Variants in EFHB observed in about 807,000 individuals in gnomAD.
EFHB encodes EF-hand domain family member B.
Under a neutral mutation model 87.2 loss-of-function variants are expected in EFHB, and 91 were observed. The observed-to-expected ratio is 1.04, with a 90% confidence interval of 0.88 to 1.24. The LOEUF is 1.24. EFHB is among the 50% of genes most tolerant of loss of function. EFHB has a pLI of 0.00. For synonymous variants in EFHB, 325 were observed against 333.6 expected, an observed-to-expected ratio of 0.97 and a Z score of 0.28; for missense variants, 1,084 against 998.8, an observed-to-expected ratio of 1.09 and a Z score of -1.15.
At chr3:19,936,327 G>A (rs1290789993), upstream of EFHB, 1 of 504,856 alleles carries the variant, frequency 2.0e-6, no homozygotes, top group South Asian at 2.5e-5. Flanking sequence ...GCCAGCCTGG[G>A]CGACAGACTG....
chr3:19,946,210 G>C (rs1314579461), intron 1 of EFHB: 1 of 152,214 alleles, frequency 6.6e-6, no homozygotes, highest in East Asian at 1.9e-4. Context: ...ACACAGCCGT[G>C]ATCTCGGACA....
At chr3:19,894,807 T>C (rs1484736795) in intron 9 of EFHB, 1 of 151,762 alleles carries the variant, frequency 6.6e-6, no homozygotes, top group African/African-American at 2.4e-5. Context: ...GCCAACATGG[T>C]GAAACCCCGT....
intron 8 of EFHB, among the ~76,000 whole-genome samples, chr3:19,897,076 G>T (rs1388047734): frequency 6.6e-6 from 1 of 152,122 alleles, no homozygotes; most frequent in Admixed American, 6.5e-5. Context: ...AAATCTAAAA[G>T]AATGAATTTT....
At chr3:19,916,467 A>T (rs1695235771) in intron 4 of EFHB, among the ~76,000 whole-genome samples, 1 of 152,056 alleles carries the variant, frequency 6.6e-6, no homozygotes. Context: ...GGGAGCCAAG[A>T]TCACGACACT....
intron 1 of EFHB, among the ~76,000 whole-genome samples, chr3:19,932,308 T>C (rs924838770): frequency 6.6e-6 from 1 of 152,250 alleles, no homozygotes; most frequent in African/African-American, 2.4e-5. Flanking sequence ...ATTATCTTTC[T>C]AAAAGGCAAA....
chr3:19,895,094 C>A (rs1694435803), intron 9 of EFHB: 1 of 146,866 alleles, frequency 6.8e-6, no homozygotes, highest in African/African-American at 2.5e-5. Context: ...ATTTATATAT[C>A]AACATATATT....
chr3:19,939,998 C>T (rs902044530), intron 1 of EFHB, among the ~76,000 whole-genome samples: 4 of 152,220 alleles, frequency 2.6e-5, no homozygotes, highest in African/African-American at 9.6e-5. Context: ...CATCTTCCGA[C>T]ATCTCTCAAA....
At chr3:19,885,413 T>C (rs1402286466) in intron 10 of EFHB, among the ~76,000 whole-genome samples, 1 of 152,204 alleles carries the variant, frequency 6.6e-6, no homozygotes, top group Admixed American at 6.5e-5. Flanking sequence ...GAACTGTTTC[T>C]ACAACTAACT....
upstream of EFHB, among the ~76,000 whole-genome samples, chr3:19,935,983 C>T (rs1696005164): frequency 1.4e-5 from 1 of 72,870 alleles, no homozygotes; most frequent in African/African-American, 5.1e-5. Flanking sequence ...GCACTCCAGC[C>T]TGGCGACAGA....
At chr3:19,939,508 T>C (rs1391362316) in intron 1 of EFHB, among the ~76,000 whole-genome samples, 4 of 148,414 alleles carry the variant, frequency 2.7e-5, no homozygotes, top group Admixed American at 6.8e-5. Context: ...CCTCAGCCTC[T>C]AGAGTAGCTG....
At position 19,933,801 on chromosome 3, in the gene EFHB, C is replaced by T. The variant is rs1233588076; in HGVS notation, c.218G>A (p.Gly73Glu). The T allele has an allele frequency of 1.2e-6, 2 of 1,613,838 alleles. No homozygotes were observed. The highest frequency in any genetic ancestry group is 1.3e-5 in the African/African-American group (1 of 74,902). ...KFPLSKGLEM[G>E]LERQNISRTV... ...CCTAGAAATATTCTGTCTTTCTAAT[C>T]CCATTTCAAGCCCCTTGCTCAATGG... The change falls in exon 1 of 13, where the codon GGA (glycine) becomes GAA (glutamate). Residue 73 changes from glycine to glutamate, a missense_variant. Coordinates refer to ENST00000295824, the MANE Select transcript of EFHB (RefSeq NM_144715.4).
chr3:19,914,637 T>C (rs1334078643), intron 5 of EFHB, among the ~76,000 whole-genome samples: 2 of 152,134 alleles, frequency 1.3e-5, no homozygotes, highest in East Asian at 3.8e-4. Context: ...TATATTACTA[T>C]ACCCATTTAA....
chr3:19,938,761 C>T (rs1461235768), upstream of EFHB, among the ~76,000 whole-genome samples: 2 of 152,094 alleles, frequency 1.3e-5, no homozygotes, highest in African/African-American at 4.8e-5. Flanking sequence ...CCTTCAGAAG[C>T]AAAAATTGGA....
chr3:19,899,698 T>C (rs944757534), intron 6 of EFHB, among the ~76,000 whole-genome samples, 183 bp from the exon 7 acceptor site: 1 of 152,172 alleles, frequency 6.6e-6, no homozygotes, highest in East Asian at 1.9e-4. Context: ...TACACTAAAA[T>C]AAAATAAACC....
chr3:19,886,270 C>T (rs755637621), intron 10 of EFHB, among the ~76,000 whole-genome samples: 1 of 152,062 alleles, frequency 6.6e-6, no homozygotes, highest in African/African-American at 2.4e-5. Flanking sequence ...AAAGGCTAAC[C>T]CATAAGGGCT....
At chr3:19,944,575 C>T (rs1346002043) in intron 1 of EFHB, among the ~76,000 whole-genome samples, 3 of 152,132 alleles carry the variant, frequency 2.0e-5, no homozygotes, top group Admixed American at 2.0e-4. Context: ...AAACTACTAC[C>T]GGATCTTTAG....
chr3:19,938,366 T>G (rs1297183837), upstream of EFHB, among the ~76,000 whole-genome samples: 1 of 152,250 alleles, frequency 6.6e-6, no homozygotes, highest in Non-Finnish European at 1.5e-5. Context: ...GTTCACATAT[T>G]GAACTCTAGT....
chr3:19,883,627 A>G (rs1466905139), intron 11 of EFHB, among the ~76,000 whole-genome samples: 1 of 152,176 alleles, frequency 6.6e-6, no homozygotes, highest in South Asian at 2.1e-4. Context: ...GTGTGACCCT[A>G]TTTGGAAATA....
chr3:19,936,129 A>G (rs1460933349), upstream of EFHB: 1 of 1,496,908 alleles, frequency 6.7e-7, no homozygotes, highest in Admixed American at 2.2e-5. Context: ...GGGTCTGGAC[A>G]TAGTCACTCA....
Sources: gnomAD v4.1 joint callset for allele counts (sites outside exome capture counted in the v4.1 genomes callset) on GRCh38, gnomAD v4.1.1 for gene constraint, MANE v1.5 for transcripts, NCBI Gene and HGNC (gene_info 2026-07-23, HGNC 2026-07-21) for gene names.